Variants in CACNB4 observed in about 807,000 individuals in gnomAD.
CACNB4 encodes the protein calcium voltage-gated channel auxiliary subunit beta 4.
In CACNB4, 32 loss-of-function variants were observed where a neutral mutation model predicts 71.2. The observed-to-expected ratio is 0.45, with a 90% CI of 0.34 to 0.60. The LOEUF (loss-of-function observed/expected upper bound fraction) is 0.60, where lower values mean the gene tolerates loss of function less well. CACNB4 is among the 20% of genes least tolerant of loss of function. The pLI is 0.01. For missense variants in CACNB4, 464 were observed against 647.9 expected (o/e 0.72, Z 3.08); for synonymous variants, 231 against 236.9 (o/e 0.97, Z 0.23).
At chr2:152,083,619 T>A (rs1687487599) in intron 2 of CACNB4, among the ~76,000 whole-genome samples, 1 of 152,210 alleles carries the variant, frequency 6.6e-6, no homozygotes, top group Admixed American at 6.5e-5. Flanking sequence ...CTTTGGAACA[T>A]ACAATATCTG....
In CACNB4 at chr2:151,960,126, C is replaced by T. The variant is rs77629534; in HGVS notation, c.148-76756G>A. ...AACAATCCAAGCAGTCTTCATGTAA[C>T]ATGTATGCTAGCTTAGCTTTCAGAA... On this transcript the variant is annotated intron_variant, in intron 2 of 13. Transcript: ENST00000539935. Among the ~76,000 whole-genome samples the T allele has an allele frequency of 9.9e-3, 1,504 of 152,286 alleles. 25 individuals carry two copies. Among genetic ancestry groups the T allele is most frequent in the African/African-American group, 0.035 (1,440 of 41,560 alleles).
chr2:152,041,897 C>G (rs1684891911), intron 2 of CACNB4, among the ~76,000 whole-genome samples: 1 of 152,204 alleles, frequency 6.6e-6, no homozygotes. Context: ...AGAACACAAA[C>G]CCAAACAGGG....
intron 2 of CACNB4, among the ~76,000 whole-genome samples, chr2:151,891,821 C>T (rs1024086573): frequency 3.9e-5 from 6 of 152,138 alleles, no homozygotes; most frequent in Non-Finnish European, 8.8e-5. Flanking sequence ...CTCCAGCAAC[C>T]AAGCTTTACT....
At chr2:152,097,108 A>C (rs758273658) in intron 2 of CACNB4, among the ~76,000 whole-genome samples, 42 of 152,244 alleles carry the variant, frequency 2.8e-4, no homozygotes, top group Admixed American at 1.4e-3. Flanking sequence ...TTATTTCCAT[A>C]ATGTACATGC....
chr2:151,907,283 T>C (rs1196947564), intron 2 of CACNB4, among the ~76,000 whole-genome samples: 1 of 152,242 alleles, frequency 6.6e-6, no homozygotes, highest in Non-Finnish European at 1.5e-5. Flanking sequence ...AGCTTTAGTT[T>C]ATGTTCATAT....
chr2:152,043,333 T>C (rs1257478212), intron 2 of CACNB4, among the ~76,000 whole-genome samples: 2 of 152,212 alleles, frequency 1.3e-5, no homozygotes, highest in Non-Finnish European at 2.9e-5. Context: ...TGTGACCCCT[T>C]TCCAATAACA....
At chr2:151,856,556 C>T (rs2099840368) in intron 10 of CACNB4, 1 of 152,154 alleles carries the variant, frequency 6.6e-6, no homozygotes. Context: ...AAGTGATGCA[C>T]CCACCTTGGT....
At chr2:151,963,593 T>A (rs78689385) in intron 2 of CACNB4, among the ~76,000 whole-genome samples, 11 of 152,310 alleles carry the variant, frequency 7.2e-5, no homozygotes, top group African/African-American at 2.2e-4. Flanking sequence ...ACATTTCAAG[T>A]TAAAAAGGTT....
chr2:151,992,253 A>C (rs927020221), intron 2 of CACNB4, among the ~76,000 whole-genome samples: 1 of 152,222 alleles, frequency 6.6e-6, no homozygotes, highest in Non-Finnish European at 1.5e-5. Flanking sequence ...AGATGCATGC[A>C]GCCTGGCACC....
At chr2:152,041,382 G>A (rs566308479) in intron 2 of CACNB4, among the ~76,000 whole-genome samples, 59 of 152,256 alleles carry the variant, frequency 3.9e-4, no homozygotes, top group African/African-American at 1.3e-3. Context: ...AACATTTCTG[G>A]AAGAAGGTAA....
At chr2:151,984,480 T>C (rs994034377) in intron 2 of CACNB4, among the ~76,000 whole-genome samples, 1 of 152,150 alleles carries the variant, frequency 6.6e-6, no homozygotes, top group Non-Finnish European at 1.5e-5. Context: ...GAAAGAGATA[T>C]CTTCTAGAAT....
chr2:151,982,249 G>A (rs1380149451), intron 2 of CACNB4, among the ~76,000 whole-genome samples: 1 of 152,134 alleles, frequency 6.6e-6, no homozygotes, highest in Non-Finnish European at 1.5e-5. Context: ...ATACCTCACA[G>A]CCTCCCTTGC....
At chr2:151,899,226 C>G (rs1184133472) in intron 2 of CACNB4, among the ~76,000 whole-genome samples, 1 of 152,208 alleles carries the variant, frequency 6.6e-6, no homozygotes, top group Non-Finnish European at 1.5e-5. Flanking sequence ...AGTACTTTAA[C>G]AGAGAGTTTA....
At chr2:151,887,332 A>C (rs757715887) in intron 2 of CACNB4, among the ~76,000 whole-genome samples, 20 of 151,908 alleles carry the variant, frequency 1.3e-4, no homozygotes, top group Non-Finnish European at 2.6e-4. Context: ...TTATGCAGAC[A>C]CCTCTGCAAG....
At chr2:151,984,645 C>T (rs879918592) in intron 2 of CACNB4, among the ~76,000 whole-genome samples, 8 of 152,134 alleles carry the variant, frequency 5.3e-5, no homozygotes, top group Non-Finnish European at 7.4e-5. Context: ...TCACATTCAG[C>T]CTTTGATGGT....
intron 2 of CACNB4, among the ~76,000 whole-genome samples, chr2:151,923,366 G>A (rs912663633): frequency 6.6e-6 from 1 of 152,234 alleles, no homozygotes; most frequent in East Asian, 1.9e-4. Flanking sequence ...TCCCATCTTG[G>A]TCTTTATTTA....
intron 2 of CACNB4, among the ~76,000 whole-genome samples, chr2:152,090,254 T>A (rs1435359718): frequency 2.6e-5 from 4 of 152,230 alleles, no homozygotes; most frequent in Non-Finnish European, 4.4e-5. Context: ...ATATCCAGGG[T>A]TGACCCTGTC....
At chr2:151,994,622 G>A (rs1195533914) in intron 2 of CACNB4, among the ~76,000 whole-genome samples, 3 of 151,956 alleles carry the variant, frequency 2.0e-5, no homozygotes, top group East Asian at 3.9e-4. Context: ...AGCAATTCTC[G>A]TGCCTCAGCT....
At chr2:151,920,619 TGC>T (rs2099858749) in intron 2 of CACNB4, among the ~76,000 whole-genome samples, 1 of 152,150 alleles carries the variant, frequency 6.6e-6, no homozygotes. Context: ...ATGAGCACTA[TGC>T]CAGGCCCAGT....
Sources: gnomAD v4.1 joint callset for allele counts (sites outside exome capture counted in the v4.1 genomes callset) on GRCh38, gnomAD v4.1.1 for gene constraint, MANE v1.5 for transcripts, NCBI Gene and HGNC (gene_info 2026-07-23, HGNC 2026-07-21) for gene names.